Variants in TENM3 observed in about 807,000 individuals in gnomAD.
TENM3 encodes the protein teneurin transmembrane protein 3, also known as teneurin-3.
Under a neutral mutation model 255.1 loss-of-function variants are expected in TENM3, and 63 were observed. That is an observed-to-expected ratio of 0.25 (90% CI 0.20 to 0.30). The LOEUF is 0.30. Among genes scored for constraint, TENM3 ranks in the 10% least tolerant of loss-of-function variants. TENM3 has a pLI of 1.00. For missense variants in TENM3, 2,929 were observed against 3,461.1 expected, an observed-to-expected ratio of 0.85 and a Z score of 3.86; for synonymous variants, 1,306 against 1,322.3, an observed-to-expected ratio of 0.99 and a Z score of 0.27.
chr4:181,512,272 A>G, the TENM3 span, among the ~76,000 whole-genome samples: 1 of 152,016 alleles, frequency 6.6e-6, no homozygotes, highest in Non-Finnish European at 1.5e-5. Flanking sequence ...GTCTCCTAAC[A>G]TTTCTCTTCT....
chr4:182,591,492 T>C (rs1409756248), intron 3 of TENM3, among the ~76,000 whole-genome samples: 1 of 152,192 alleles, frequency 6.6e-6, no homozygotes, highest in Admixed American at 6.5e-5. Flanking sequence ...TTACAATCAA[T>C]TGATGATGAA....
the TENM3 span, among the ~76,000 whole-genome samples, chr4:181,977,838 C>T: frequency 6.6e-6 from 1 of 152,144 alleles, no homozygotes; most frequent in Non-Finnish European, 1.5e-5. Flanking sequence ...TGTTTAAAGT[C>T]TGTGCTGAAA....
At chr4:182,383,925 A>G (rs7685326) in intron 3 of TENM3, among the ~76,000 whole-genome samples, 129,971 of 152,156 alleles carry the variant, frequency 0.85, 55,771 homozygotes, top group Non-Finnish European at 0.88. Flanking sequence ...TCAGCTAAGT[A>G]TGGCTCTGCC....
the TENM3 span, among the ~76,000 whole-genome samples, chr4:181,661,658 A>T: frequency 6.6e-6 from 1 of 152,096 alleles, no homozygotes; most frequent in Non-Finnish European, 1.5e-5. Context: ...AAAAATGATT[A>T]CTGATATGCT....
At chr4:181,621,565 T>G in the TENM3 span, among the ~76,000 whole-genome samples, 1 of 152,134 alleles carries the variant, frequency 6.6e-6, no homozygotes, top group African/African-American at 2.4e-5. Flanking sequence ...CTCCTGACAG[T>G]GAAAACCTCA....
chr4:181,633,667 G>C, the TENM3 span, among the ~76,000 whole-genome samples: 12,872 of 152,206 alleles, frequency 0.085, 571 homozygotes, highest in East Asian at 0.14. Context: ...TAAGAATAAA[G>C]GGGTTCTATA....
chr4:182,538,095 T>A (rs1033016127), intron 3 of TENM3, among the ~76,000 whole-genome samples: 4 of 152,330 alleles, frequency 2.6e-5, no homozygotes, highest in Admixed American at 2.6e-4. Flanking sequence ...ATTAGTCTAA[T>A]ATAAGCTTTT....
intron 3 of TENM3, among the ~76,000 whole-genome samples, chr4:182,539,287 A>G (rs1245760673): frequency 6.6e-6 from 1 of 151,802 alleles, no homozygotes; most frequent in Non-Finnish European, 1.5e-5. Flanking sequence ...AAAACCATCA[A>G]ACATCAAGAA....
chr4:182,319,504 C>T (rs551493604), intron 1 of TENM3, among the ~76,000 whole-genome samples: 1 of 152,278 alleles, frequency 6.6e-6, no homozygotes, highest in South Asian at 2.1e-4. Flanking sequence ...CAAATTGCCT[C>T]GATCTTTGAT....
chr4:181,922,362 C>T, the TENM3 span, among the ~76,000 whole-genome samples: 4 of 152,146 alleles, frequency 2.6e-5, no homozygotes, highest in African/African-American at 7.2e-5. Context: ...TCCATCTGGT[C>T]CTGGACTCTT....
Position 182,764,062 on chromosome 4 carries a change from C to CTGG in TENM3, c.4892+8803_4892+8804insTGG, listed in dbSNP as rs1225376078. On this transcript the variant is annotated intron_variant, in intron 22 of 27. Coordinates refer to ENST00000511685, the MANE Select transcript of TENM3 (RefSeq NM_001080477.4). ...CATATGGGACTGGTCCAGGCAACAC[C>CTGG]AGCCTCTGAGGAAGCACAGTTTCCA... Among the ~76,000 whole-genome samples the CTGG allele has an allele frequency of 4.6e-5, 7 of 152,342 alleles. No homozygotes were observed. In the East Asian group the frequency reaches 1.3e-3, roughly 29 times the overall value.
chr4:181,516,552 G>A, the TENM3 span, among the ~76,000 whole-genome samples: 6 of 151,878 alleles, frequency 4.0e-5, no homozygotes, highest in Non-Finnish European at 8.8e-5. Flanking sequence ...AGGCCGAGGC[G>A]GGCAGATCAC....
chr4:182,230,321 G>A (rs1756477703), intron 1 of TENM3, among the ~76,000 whole-genome samples: 1 of 151,980 alleles, frequency 6.6e-6, no homozygotes, highest in Non-Finnish European at 1.5e-5. Flanking sequence ...CAAGTCTTAG[G>A]TCAGAAGAGA....
chr4:182,231,040 T>C (rs1756542765), intron 1 of TENM3, among the ~76,000 whole-genome samples: 2 of 151,490 alleles, frequency 1.3e-5, no homozygotes, highest in Admixed American at 1.3e-4. Flanking sequence ...TGTTGTATGC[T>C]GGAAGGAGGG....
At chr4:182,529,342 T>C (rs1156877250) in intron 3 of TENM3, among the ~76,000 whole-genome samples, 1 of 152,178 alleles carries the variant, frequency 6.6e-6, no homozygotes, top group Non-Finnish European at 1.5e-5. Flanking sequence ...CGATAAATTA[T>C]GGTGGACTTT....
chr4:181,985,627 A>T, the TENM3 span, among the ~76,000 whole-genome samples: 4 of 152,204 alleles, frequency 2.6e-5, no homozygotes, highest in East Asian at 7.7e-4. Flanking sequence ...CTCACTTTGG[A>T]TAATAGATGT....
chr4:182,013,980 GTA>G, the TENM3 span, among the ~76,000 whole-genome samples: 5 of 107,106 alleles, frequency 4.7e-5, no homozygotes, highest in African/African-American at 1.9e-4. Context: ...ATATATACGT[GTA>G]TATACGTATA....
intron 4 of TENM3, 132 bp from the exon 5 acceptor site, chr4:182,628,519 G>A: frequency 3.2e-6 from 2 of 629,154 alleles, no homozygotes; most frequent in Non-Finnish European, 5.6e-6. Context: ...AATGTTTTAG[G>A]TTATATAGGA....
the TENM3 span, among the ~76,000 whole-genome samples, chr4:181,453,365 G>A: frequency 1.3e-5 from 2 of 152,164 alleles, no homozygotes; most frequent in Admixed American, 6.6e-5. Context: ...ATATTTCAAC[G>A]TGGAGTTTTA....
Sources: allele counts gnomAD v4.1 joint callset (sites outside exome capture counted in the v4.1 genomes callset), GRCh38; gene constraint gnomAD v4.1.1; transcripts MANE v1.5; gene names NCBI Gene and HGNC (gene_info 2026-07-23, HGNC 2026-07-21).